CADM2: variants seen among roughly 807,000 people sequenced by gnomAD.
CADM2 encodes the protein cell adhesion molecule 2.
CADM2 carries 12 observed loss-of-function variants against 49.8 expected under a neutral mutation model. The ratio of observed to expected loss-of-function variants is 0.24; its 90% CI spans 0.15 to 0.39. The LOEUF (loss-of-function observed/expected upper bound fraction) is 0.39. Ranked by LOEUF, CADM2 falls within the 10% of genes least tolerant of loss-of-function variation. The probability of loss-of-function intolerance (pLI) is 1.00; values close to 1 mark genes in which losing one functional copy is unlikely to be tolerated. For synonymous variants in CADM2, 214 were observed against 175.4 expected (o/e 1.22, Z -1.74); for missense variants, 378 against 492.3 (o/e 0.77, Z 2.20).
chr3:85,152,798 A>G (rs758842553), intron 1 of CADM2, among the ~76,000 whole-genome samples: 1 of 151,944 alleles, frequency 6.6e-6, no homozygotes, highest in Non-Finnish European at 1.5e-5. Flanking sequence ...TCTACTAAAA[A>G]TACAAAAAGA....
At chr3:84,984,637 T>A (rs1170078146) in intron 1 of CADM2, among the ~76,000 whole-genome samples, 3 of 151,964 alleles carry the variant, frequency 2.0e-5, no homozygotes, top group Non-Finnish European at 4.4e-5. Flanking sequence ...TTTTCCCTTC[T>A]ATGAAAAGCT....
intron 1 of CADM2, among the ~76,000 whole-genome samples, chr3:85,663,689 T>G (rs142090516): frequency 3.3e-5 from 5 of 152,156 alleles, no homozygotes; most frequent in African/African-American, 1.2e-4. Flanking sequence ...ATCAGATGTT[T>G]TCAACTTCCC....
At chr3:86,033,693 G>A (rs1436629727) in intron 8 of CADM2, among the ~76,000 whole-genome samples, 1 of 142,598 alleles carries the variant, frequency 7.0e-6, no homozygotes, top group Non-Finnish European at 1.5e-5. Flanking sequence ...ATATGAGATA[G>A]TTATTTGTTT....
chr3:85,611,152 G>A, intron 1 of CADM2, among the ~76,000 whole-genome samples: 1 of 151,802 alleles, frequency 6.6e-6, no homozygotes, highest in East Asian at 1.9e-4. Context: ...CATGCACAAT[G>A]CTTTTCAACA....
chr3:85,303,811 G>T (rs1022096894), intron 1 of CADM2, among the ~76,000 whole-genome samples: 1 of 151,704 alleles, frequency 6.6e-6, no homozygotes, highest in Non-Finnish European at 1.5e-5. Flanking sequence ...CGGATTCTTC[G>T]TTCCAATGTG....
chr3:85,852,137 T>TG (rs2075131998), intron 3 of CADM2, among the ~76,000 whole-genome samples: 1 of 152,254 alleles, frequency 6.6e-6, no homozygotes, highest in South Asian at 2.1e-4. Flanking sequence ...TCATTTATTC[T>TG]GTACAGAGAG....
At chr3:85,065,669 T>C (rs2036503483) in intron 1 of CADM2, among the ~76,000 whole-genome samples, 1 of 152,190 alleles carries the variant, frequency 6.6e-6, no homozygotes, top group African/African-American at 2.4e-5. Context: ...AAGACTGATC[T>C]TAAAGTTCTT....
intron 3 of CADM2, among the ~76,000 whole-genome samples, chr3:85,815,159 AAG>A (rs2073136739): frequency 6.6e-6 from 1 of 152,102 alleles, no homozygotes; most frequent in Admixed American, 6.6e-5. Context: ...CGAATTCTAC[AAG>A]GGGTACAAAA....
At chr3:85,568,461 TTCTCTTTC>T (rs2062358578) in intron 1 of CADM2, among the ~76,000 whole-genome samples, 13 of 15,224 alleles carry the variant, frequency 8.5e-4, no homozygotes, top group African/African-American at 1.9e-3. Flanking sequence ...CTTTCTTTCT[TTCTCTTTC>T]TCTCTCTTTC....
At chr3:84,990,737 T>C (rs1256859504) in intron 1 of CADM2, among the ~76,000 whole-genome samples, 1 of 152,064 alleles carries the variant, frequency 6.6e-6, no homozygotes, top group Non-Finnish European at 1.5e-5. Flanking sequence ...AGTCTAACAT[T>C]CCTTAAATAG....
At chr3:85,774,813 T>A (rs1173987317) in intron 2 of CADM2, among the ~76,000 whole-genome samples, 2 of 151,734 alleles carry the variant, frequency 1.3e-5, no homozygotes, top group Non-Finnish European at 3.0e-5. Flanking sequence ...GGGAAGCCTA[T>A]GAAAACACTC....
chr3:85,636,391 A>G (rs758549936), intron 1 of CADM2, among the ~76,000 whole-genome samples: 18 of 152,222 alleles, frequency 1.2e-4, no homozygotes, highest in African/African-American at 4.3e-4. Context: ...TAAAATAAGG[A>G]TATAAAGAAA....
chr3:85,476,354 A>C (rs1222712087), intron 1 of CADM2, among the ~76,000 whole-genome samples: 2 of 152,104 alleles, frequency 1.3e-5, no homozygotes, highest in East Asian at 3.9e-4. Context: ...TCTAAATGTT[A>C]GAGTTTAGCA....
chr3:85,171,304 G>A (rs1245429762), intron 1 of CADM2, among the ~76,000 whole-genome samples: 26 of 152,090 alleles, frequency 1.7e-4, no homozygotes, highest in Admixed American at 1.7e-3. Flanking sequence ...CCATATCATT[G>A]AAATGTACCA....
intron 1 of CADM2, among the ~76,000 whole-genome samples, chr3:85,231,148 T>C (rs2042277445): frequency 6.6e-6 from 1 of 152,182 alleles, no homozygotes; most frequent in Admixed American, 6.5e-5. Context: ...ATCTATTACC[T>C]CATTTTACCT....
intron 1 of CADM2, among the ~76,000 whole-genome samples, chr3:85,625,601 C>G (rs1029258831): frequency 1.3e-5 from 2 of 151,984 alleles, no homozygotes; most frequent in East Asian, 3.9e-4. Flanking sequence ...GGATGTCACT[C>G]TTCTGAAAAT....
intron 1 of CADM2, among the ~76,000 whole-genome samples, chr3:85,104,228 G>A (rs1203544386): frequency 6.6e-6 from 1 of 151,034 alleles, no homozygotes; most frequent in Non-Finnish European, 1.5e-5. Flanking sequence ...TTTTGTATAA[G>A]GTGTAAGGAA....
At chr3:85,611,641 G>A (rs138197649) in intron 1 of CADM2, among the ~76,000 whole-genome samples, 1 of 151,684 alleles carries the variant, frequency 6.6e-6, no homozygotes, top group Non-Finnish European at 1.5e-5. Flanking sequence ...AGCTTTGGAG[G>A]CTTAACATAG....
chr3:85,262,500 T>A (rs1452653100), intron 1 of CADM2, among the ~76,000 whole-genome samples: 2 of 152,076 alleles, frequency 1.3e-5, no homozygotes, highest in African/African-American at 4.8e-5. Flanking sequence ...CTTGAAAAAA[T>A]TCATAATAAA....
Sources: allele counts gnomAD v4.1 joint callset (sites outside exome capture counted in the v4.1 genomes callset), GRCh38; gene constraint gnomAD v4.1.1; transcripts MANE v1.5; gene names NCBI Gene and HGNC (gene_info 2026-07-23, HGNC 2026-07-21).